The following SYNE1 variants were observed in gnomAD, a reference collection of about 807,000 sequenced individuals.
SYNE1 encodes the protein nesprin-1.
SYNE1 carries 616 observed loss-of-function variants against 1,111.0 expected under a neutral mutation model. The ratio of observed to expected loss-of-function variants is 0.55; its 90% CI spans 0.52 to 0.59. The LOEUF (loss-of-function observed/expected upper bound fraction) is 0.59, where lower values mean the gene tolerates loss of function less well. SYNE1 is among the 20% of genes least tolerant of loss of function. The pLI is 0.00. For synonymous variants in SYNE1, 3,855 were observed against 3,825.8 expected, an observed-to-expected ratio of 1.01 and a Z score of -0.28; for missense variants, 10,006 against 10,417.0, an observed-to-expected ratio of 0.96 and a Z score of 1.72.
intron 87 of SYNE1, among the ~76,000 whole-genome samples, chr6:152,311,729 A>T (rs2095553332): frequency 6.6e-6 from 1 of 152,250 alleles, no homozygotes. Flanking sequence ...TGTAATGTGT[A>T]AAGAGGAGAA....
chr6:152,377,821 A>C (rs1470890492), intron 56 of SYNE1, among the ~76,000 whole-genome samples: 1 of 151,468 alleles, frequency 6.6e-6, no homozygotes, highest in Non-Finnish European at 1.5e-5. Flanking sequence ...ATATTTGCTA[A>C]ATGTTTACCG....
intron 3 of SYNE1, among the ~76,000 whole-genome samples, chr6:152,596,025 T>C (rs2099580020): frequency 6.8e-6 from 1 of 147,528 alleles, no homozygotes; most frequent in Admixed American, 7.0e-5. Context: ...AACCAAGGGG[T>C]TGATTCTACA....
intron 36 of SYNE1, among the ~76,000 whole-genome samples, chr6:152,428,835 A>G (rs1223584642): frequency 6.6e-6 from 1 of 152,152 alleles, no homozygotes; most frequent in Non-Finnish European, 1.5e-5. Flanking sequence ...AAGTGACTTC[A>G]TAAATACAGA....
At chr6:152,185,701 C>T (rs2069658996) in intron 128 of SYNE1, among the ~76,000 whole-genome samples, 1 of 152,216 alleles carries the variant, frequency 6.6e-6, no homozygotes, top group Non-Finnish European at 1.5e-5. Context: ...TCTTAGTCTC[C>T]TCACAGGTGC....
intron 101 of SYNE1, among the ~76,000 whole-genome samples, chr6:152,259,393 T>G (rs868376137): frequency 6.6e-6 from 1 of 152,282 alleles, no homozygotes; most frequent in East Asian, 1.9e-4. Context: ...ATTAAATACA[T>G]TGGAAGTAAA....
chr6:152,176,452 A>G lies in SYNE1; in HGVS notation c.23569T>C (p.Tyr7857His), dbSNP rs758283167. Reference sequence around the variant, plus strand: ...CGGTCGTTGACCTTTCCCAGCTTGTATTCAATCTCAGATGCTTTGCTTTCA... The same window carrying G: ...CGGTCGTTGACCTTTCCCAGCTTGTGTTCAATCTCAGATGCTTTGCTTTCA... ...SHESKASEIEYKLGKVNDRWQ... is the reference protein window; with the variant it reads ...SHESKASEIEHKLGKVNDRWQ... The change falls in exon 130 of 146, where the codon TAC becomes CAC. Residue 7857 changes from tyrosine (Y) to histidine (H), a missense_variant. This residue lies in a region of SYNE1 where 2,182 missense variants were observed against 2,287.8 expected (regional missense o/e 0.95). Coordinates refer to ENST00000367255, the MANE Select transcript of SYNE1 (RefSeq NM_182961.4). The G allele has an allele frequency of 1.2e-6, 2 of 1,614,016 alleles. No homozygotes were observed. The highest frequency in any genetic ancestry group is 2.2e-5 in the South Asian group (2 of 91,070).
At chr6:152,305,553 C>T (rs1331637870) in intron 91 of SYNE1, among the ~76,000 whole-genome samples, 1 of 152,098 alleles carries the variant, frequency 6.6e-6, no homozygotes, top group Non-Finnish European at 1.5e-5. Context: ...TGTGAGCCAC[C>T]ACACCTGGCC....
chr6:152,494,547 C>A (rs1171446894), intron 11 of SYNE1, among the ~76,000 whole-genome samples: 1 of 152,194 alleles, frequency 6.6e-6, no homozygotes, highest in African/African-American at 2.4e-5. Context: ...CAGGCTACTG[C>A]TCCGCCCTCC....
chr6:152,463,418 C>A lies in SYNE1; in HGVS notation c.2032G>T (p.Asp678Tyr), dbSNP rs1171384370. The change falls in exon 19 of 146, where the codon GAC becomes TAC. Residue 678 changes from aspartate (D) to tyrosine (Y), a missense_variant. Asp to Tyr is a radical substitution (Grantham distance 160). Around this residue, in one of 7 missense-constraint regions of SYNE1, gnomAD observed 1,971 missense variants for 2,084.1 expected, o/e 0.95. Coordinates refer to ENST00000367255, the MANE Select transcript of SYNE1 (RefSeq NM_182961.4). ...AGCAACAGTAATTGCTGCTTCAGGT[C>A]ACGGGAAACCATCTCATCACAGGTT... The part of the protein sequence containing the change: ...IETCDEMVSR[D>Y]LKQQLLLLNG... 1 of 1,613,700 alleles carries A rather than the reference C, an allele frequency of 6.2e-7. No individual in the cohort carries two copies. Among genetic ancestry groups the A allele is most frequent in the South Asian group, 1.1e-5 (1 of 91,080 alleles).
chr6:152,255,748 T>C lies in SYNE1; in HGVS notation c.19105-2A>G. ...ACTCTGCCTCTTTGCCCCTCCACTC[T>C]GGGAAACACAAAACAGGGTCAAATA... On this transcript the variant is annotated splice_acceptor_variant, in intron 102 of 145. Transcript: ENST00000367255. LOFTEE classifies it high-confidence loss of function. 3 of 1,614,184 alleles carry C rather than the reference T, an allele frequency of 1.9e-6. No individual in the cohort carries two copies. The highest frequency in any genetic ancestry group is 1.1e-5 in the South Asian group (1 of 91,086).
intron 86 of SYNE1, 38 bp downstream of exon 86, chr6:152,318,043 G>A (rs750403501): frequency 6.2e-7 from 1 of 1,612,538 alleles, no homozygotes; most frequent in Non-Finnish European, 8.5e-7. Context: ...GGAAGTTTCT[G>A]CCTTACACGA....
intron 3 of SYNE1, among the ~76,000 whole-genome samples, chr6:152,547,431 C>A (rs180876747): frequency 1.0e-3 from 155 of 152,288 alleles, no homozygotes; most frequent in African/African-American, 3.5e-3. Context: ...TATTCTGTCA[C>A]CTGCAGTAAC....
chr6:152,253,817 GGTTTTTTTTTTTTTT>G lies in SYNE1; in HGVS notation c.19470+1048_19470+1062del, dbSNP rs2090048739. ...ATGCTACATTTATGTGTAGTGGTTTGGTTTTTTTTTTTTTTTTTTTTTTTTTTTTTTTTTTTTTTT... is the reference window on the plus strand; with the variant it reads ...ATGCTACATTTATGTGTAGTGGTTTGTTTTTTTTTTTTTTTTTTTTTTTTT... On this transcript the variant is annotated intron_variant, in intron 104 of 145. Coordinates refer to ENST00000367255, the MANE Select transcript of SYNE1 (RefSeq NM_182961.4). Among the ~76,000 whole-genome samples, 153 of 59,144 alleles carry G rather than the reference GGTTTTTTTTTTTTTT, an allele frequency of 2.6e-3. 8 individuals are homozygous for G. The highest frequency in any genetic ancestry group is 9.5e-3 in the South Asian group (14 of 1,474). 38.8% of individuals were successfully genotyped at this position (59,144 alleles called of 152,430 possible).
rs1156518043 is a variant in SYNE1 at position 152,376,948 on chromosome 6, T to TAA, written c.9010-37_9010-36insTT. 6 of 1,611,152 alleles carry TAA rather than the reference T, an allele frequency of 3.7e-6. No individual in the cohort carries two copies. The East Asian group carries it at 1.3e-4, about 36-fold the overall frequency. On this transcript the variant is annotated intron_variant, in intron 56 of 145. Coordinates refer to ENST00000367255, the MANE Select transcript of SYNE1 (RefSeq NM_182961.4). ...ATAATGAGACAAAGAAGCGAGCACTTACATTGGGTGATCTCCATATCTTCA... is the reference window on the plus strand; with the variant it reads ...ATAATGAGACAAAGAAGCGAGCACTTAAACATTGGGTGATCTCCATATCTTCA...
At chr6:152,368,270 A>C (rs771812875) in intron 61 of SYNE1, 1 of 152,582 alleles carries the variant, frequency 6.6e-6, no homozygotes, top group African/African-American at 2.4e-5. Flanking sequence ...ATAAAGCTCA[A>C]GATAGGTCTG....
chr6:152,400,108 A>C (rs991440146), intron 47 of SYNE1, among the ~76,000 whole-genome samples: 1 of 152,128 alleles, frequency 6.6e-6, no homozygotes, highest in African/African-American at 2.4e-5. Flanking sequence ...ATTCCAGTCC[A>C]TGATCTTGGG....
At chr6:152,365,040 G>A in intron 62 of SYNE1, 21 bp from the exon 63 acceptor site, 1 of 1,613,956 alleles carries the variant, frequency 6.2e-7, no homozygotes, top group Non-Finnish European at 8.5e-7. Context: ...ACATACAGAA[G>A]TCCTTTGTCA....
At chr6:152,471,909 T>A in intron 15 of SYNE1, 144 bp from the exon 16 acceptor site, 1 of 827,800 alleles carries the variant, frequency 1.2e-6, no homozygotes, top group Non-Finnish European at 1.9e-6. Context: ...GAAATCCGAT[T>A]CCTTTTCTAG....
intron 94 of SYNE1, 29 bp downstream of exon 94, chr6:152,293,931 G>A (rs376305726): frequency 8.7e-6 from 14 of 1,613,258 alleles, no homozygotes; most frequent in Non-Finnish European, 1.2e-5. Context: ...TGTCTGGTGG[G>A]CATAAACTAG....
Sources: allele counts gnomAD v4.1 joint callset (sites outside exome capture counted in the v4.1 genomes callset), GRCh38; gene constraint gnomAD v4.1.1; regional missense constraint gnomAD v4.1.1; transcripts MANE v1.5; gene names NCBI Gene and HGNC (gene_info 2026-07-23, HGNC 2026-07-21).